Variants in CPQ observed in about 807,000 individuals in gnomAD.
CPQ encodes Ser-Met dipeptidase.
In CPQ, 37 loss-of-function variants were observed where a neutral mutation model predicts 45.7. The ratio of observed to expected loss-of-function variants is 0.81; its 90% CI spans 0.62 to 1.07. The LOEUF (loss-of-function observed/expected upper bound fraction) is 1.07, where lower values mean the gene tolerates loss of function less well. Ranked by LOEUF, CPQ falls within the 50% of genes least tolerant of loss-of-function variation. The probability of loss-of-function intolerance (pLI) is 0.00; values close to 1 mark genes in which losing one functional copy is unlikely to be tolerated. For synonymous variants in CPQ, 186 were observed against 205.8 expected (o/e 0.90, Z 0.82); for missense variants, 537 against 572.9 (o/e 0.94, Z 0.64).
intron 6 of CPQ, among the ~76,000 whole-genome samples, chr8:97,058,300 TG>T (rs1810487672): frequency 6.6e-6 from 1 of 152,138 alleles, no homozygotes; most frequent in African/African-American, 2.4e-5. Flanking sequence ...TGTCTACTTA[TG>T]GGTAGATGAA....
At chr8:96,973,596 G>T in intron 5 of CPQ, among the ~76,000 whole-genome samples, 1 of 152,164 alleles carries the variant, frequency 6.6e-6, no homozygotes, top group East Asian at 1.9e-4. Context: ...GATAAAGGAA[G>T]GAATCTTAAG....
chr8:96,712,385 T>G (rs1809618189), intron 1 of CPQ, among the ~76,000 whole-genome samples: 1 of 152,168 alleles, frequency 6.6e-6, no homozygotes, highest in Non-Finnish European at 1.5e-5. Flanking sequence ...GTGGGGGCTA[T>G]GACACCACAT....
At chr8:97,089,671 T>C (rs2130563810) in intron 7 of CPQ, among the ~76,000 whole-genome samples, 1 of 152,350 alleles carries the variant, frequency 6.6e-6, no homozygotes, top group African/African-American at 2.4e-5. Flanking sequence ...TAACTCATAA[T>C]TTAAACATCT....
chr8:96,701,286 T>G (rs1253018604), intron 1 of CPQ, among the ~76,000 whole-genome samples: 1 of 152,126 alleles, frequency 6.6e-6, no homozygotes, highest in Non-Finnish European at 1.5e-5. Flanking sequence ...TGGGAGAAGA[T>G]TAAATGAAAT....
intron 7 of CPQ, among the ~76,000 whole-genome samples, chr8:97,071,956 C>T (rs2130538540): frequency 6.6e-6 from 1 of 152,234 alleles, no homozygotes; most frequent in Middle Eastern, 3.4e-3. Flanking sequence ...CTCTAAGCAG[C>T]ACATTCTCAT....
chr8:97,082,812 A>G (rs952543402), intron 7 of CPQ, among the ~76,000 whole-genome samples: 3 of 152,258 alleles, frequency 2.0e-5, no homozygotes, highest in African/African-American at 7.2e-5. Context: ...GTATTTCCTT[A>G]CCCATACAAG....
At chr8:96,854,039 T>G (rs1214535253) in intron 3 of CPQ, among the ~76,000 whole-genome samples, 2 of 152,196 alleles carry the variant, frequency 1.3e-5, no homozygotes, top group Non-Finnish European at 2.9e-5. Flanking sequence ...ACATTATTTT[T>G]AACATGTTTA....
At chr8:96,787,560 CAG>C (rs978166593) in intron 2 of CPQ, among the ~76,000 whole-genome samples, 5 of 15,180 alleles carry the variant, frequency 3.3e-4, no homozygotes, top group Admixed American at 1.1e-3. Flanking sequence ...TTTTTTGTAT[CAG>C]AGTAAGACTG....
At chr8:96,787,041 ATTTAT>A (rs1022696830) in intron 2 of CPQ, among the ~76,000 whole-genome samples, 5 of 151,974 alleles carry the variant, frequency 3.3e-5, no homozygotes, top group African/African-American at 9.7e-5. Flanking sequence ...AGTCCAACTA[ATTTAT>A]TTTATTTCTT....
At chr8:96,880,084 A>G (rs1221072412) in intron 4 of CPQ, 79 bp downstream of exon 4, 5 of 1,274,326 alleles carry the variant, frequency 3.9e-6, no homozygotes, top group South Asian at 2.6e-5. Flanking sequence ...TGGGAAAGAG[A>G]GAACGTGAAA....
chr8:96,666,756 A>G (rs1297144897), intron 1 of CPQ, among the ~76,000 whole-genome samples: 2 of 152,146 alleles, frequency 1.3e-5, no homozygotes, highest in Non-Finnish European at 2.9e-5. Flanking sequence ...TACACCATGT[A>G]TTGCTCCCGG....
At chr8:97,071,152 G>T (rs1236942477) in intron 7 of CPQ, among the ~76,000 whole-genome samples, 2 of 152,110 alleles carry the variant, frequency 1.3e-5, no homozygotes, top group African/African-American at 4.8e-5. Context: ...ACGGTGTATT[G>T]CAAGGAGTTA....
At chr8:96,880,101 A>G (rs1812201021) in intron 4 of CPQ, 96 bp downstream of exon 4, 1 of 1,027,794 alleles carries the variant, frequency 9.7e-7, no homozygotes, top group Non-Finnish European at 1.5e-6. Flanking sequence ...GAAACCACCT[A>G]GATGGTCCTC....
chr8:96,784,827 C>A (rs1401496419), intron 1 of CPQ, 37 bp from the exon 2 acceptor site: 301 of 1,451,048 alleles, frequency 2.1e-4, no homozygotes, highest in Non-Finnish European at 2.8e-4. Context: ...CTGTGAGATT[C>A]TTTTCCCCTA....
At position 96,779,236 on chromosome 8, in the gene CPQ, A is replaced by G. The variant is rs190307653; in HGVS notation, c.-34-5628A>G. 3.7e-3 allele frequency among the ~76,000 whole-genome samples: 568 copies of G among 151,858 alleles called. 8 individuals carry two copies. The highest frequency in any genetic ancestry group is 0.011 in the Admixed American group (172 of 15,262). On this transcript the variant is annotated intron_variant, in intron 1 of 7. Coordinates refer to ENST00000220763, the MANE Select transcript of CPQ (RefSeq NM_016134.4). ...TTCCCTCTTCTCTGCCTGCTGAGCC[A>G]TTTCCTAAGACTGTCTTCAGATGTT...
intron 2 of CPQ, among the ~76,000 whole-genome samples, chr8:96,811,570 A>G (rs1235742537): frequency 2.0e-5 from 3 of 152,176 alleles, no homozygotes; most frequent in South Asian, 2.1e-4. Flanking sequence ...TTTTGCTGGT[A>G]TAGTATATTA....
chr8:96,950,118 CT>C (rs1261267165), intron 4 of CPQ, among the ~76,000 whole-genome samples: 4 of 152,030 alleles, frequency 2.6e-5, no homozygotes, highest in African/African-American at 9.7e-5. Context: ...CCTTTGAAGA[CT>C]ATAATAAAGG....
At chr8:96,810,253 C>G (rs1337960380) in intron 2 of CPQ, among the ~76,000 whole-genome samples, 1 of 152,142 alleles carries the variant, frequency 6.6e-6, no homozygotes, top group Non-Finnish European at 1.5e-5. Flanking sequence ...ATGGGTTTGT[C>G]TTCCCCAAAA....
chr8:96,826,755 G>A (rs1811384541), intron 2 of CPQ, among the ~76,000 whole-genome samples: 1 of 151,968 alleles, frequency 6.6e-6, no homozygotes, highest in Non-Finnish European at 1.5e-5. Flanking sequence ...TGCATTAGCT[G>A]TTTTTGCCAA....
Sources: allele counts gnomAD v4.1 joint callset (sites outside exome capture counted in the v4.1 genomes callset), GRCh38; gene constraint gnomAD v4.1.1; transcripts MANE v1.5; gene names NCBI Gene and HGNC (gene_info 2026-07-23, HGNC 2026-07-21).